The following CCDC82 variants were observed in gnomAD, a reference collection of about 807,000 sequenced individuals.
CCDC82 encodes coiled-coil domain containing 82.
A neutral mutation model predicts 60.6 loss-of-function variants in CCDC82; 47 were observed. The ratio of observed to expected loss-of-function variants is 0.77; its 90% CI spans 0.61 to 0.99. CCDC82 has a LOEUF of 0.99. CCDC82 is among the 50% of genes least tolerant of loss of function. CCDC82 has a pLI of 0.00. For synonymous variants in CCDC82, 212 were observed against 207.4 expected (o/e 1.02, Z -0.19); for missense variants, 588 against 633.0 (o/e 0.93, Z 0.76).
rs1401510304 is a variant in CCDC82, at chr11:96,371,090, G to A, written c.1132C>T (p.His378Tyr). 1.2e-6 allele frequency: 2 copies of A among 1,606,044 alleles called. No individual in the cohort carries two copies. Among genetic ancestry groups the A allele is most frequent in the Non-Finnish European group, 1.7e-6 (2 of 1,176,116 alleles). The change falls in exon 7 of 10, where the codon CAT becomes TAT. Residue 378 changes from histidine to tyrosine, a missense_variant. Coordinates refer to ENST00000646818, the MANE Select transcript of CCDC82 (RefSeq NM_024725.4). ...TGAACAAAGCGGTTATCCAAATAATGAAGAGATGTTAGCATATCTTTTGCA... is the reference window on the plus strand; with the variant it reads ...TGAACAAAGCGGTTATCCAAATAATAAAGAGATGTTAGCATATCTTTTGCA... ...SYAKDMLTSL[H>Y]YLDNRFVQPR...
At chr11:96,380,261 C>G (rs1865798959) in intron 5 of CCDC82, among the ~76,000 whole-genome samples, 1 of 151,436 alleles carries the variant, frequency 6.6e-6, no homozygotes, top group African/African-American at 2.4e-5. Context: ...CATGCCAACT[C>G]AAAGGAGGAA....
chr11:96,383,692 T>C (rs1488230212), intron 4 of CCDC82, among the ~76,000 whole-genome samples: 2 of 151,918 alleles, frequency 1.3e-5, no homozygotes, highest in African/African-American at 2.4e-5. Flanking sequence ...ATGTTTAAAA[T>C]GGACATTAGA....
chr11:96,385,617 C>G (rs986979975), intron 3 of CCDC82: 2 of 151,868 alleles, frequency 1.3e-5, no homozygotes, highest in African/African-American at 4.8e-5. Flanking sequence ...CACAATATAA[C>G]CAATAGAAAA....
intron 5 of CCDC82, among the ~76,000 whole-genome samples, chr11:96,375,972 T>A (rs1865549460): frequency 6.6e-6 from 1 of 152,230 alleles, no homozygotes; most frequent in Non-Finnish European, 1.5e-5. Context: ...TTGAATGAGC[T>A]TCTGTGGAAT....
chr11:96,382,536 G>T (rs951638550), intron 5 of CCDC82: 14 of 151,654 alleles, frequency 9.2e-5, no homozygotes, highest in African/African-American at 3.4e-4. Context: ...AATGACTGAT[G>T]CATTTTATCA....
chr11:96,383,999 C>T lies in CCDC82; in HGVS notation c.749G>A (p.Arg250Lys), dbSNP rs1565323073. ...LQKLKELSKQ[R>K]SRQRRSSGRD... is the part of the protein sequence containing the mutation. ...ACCACTACTGCGTCTCTGACGAGAT[C>T]TTTGTTTTGAGAGTTCTTTGAGCTT... Residue 250 changes from arginine (R) to lysine (K), a missense_variant, in exon 4 of 10, where the codon AGA becomes AAA. By Grantham distance (26) the Arg-to-Lys change is conservative. Transcript: ENST00000646818. The T allele has an allele frequency of 1.9e-6, 3 of 1,613,222 alleles. No homozygotes were observed. The South Asian group carries it at 3.3e-5, about 18-fold the overall frequency.
rs1866187448 is a variant in CCDC82, at chr11:96,386,304, T to A, written c.-54-11A>T. ...AGGATTACTTTTTTCCTATAGATTG[T>A]GGAAGAGAGGATACAGCTCATTTAA... On this transcript the variant is annotated splice_polypyrimidine_tract_variant and intron_variant, in intron 2 of 9. Transcript: ENST00000646818. 1 of 152,428 alleles carries A rather than the reference T, an allele frequency of 6.6e-6. No individual in the cohort carries two copies. Among genetic ancestry groups the A allele is most frequent in the Non-Finnish European group, 1.5e-5 (1 of 68,046 alleles). The allele number at this position is 152,428 out of a possible 1,614,324, so 9.4% of individuals were successfully genotyped here.
rs1866049841 is a variant in CCDC82 at position 96,384,206 on chromosome 11, T to C, written c.542A>G (p.Lys181Arg). The C allele has an allele frequency of 1.9e-6, 3 of 1,613,882 alleles. No individual in the cohort carries two copies. Among genetic ancestry groups the C allele is most frequent in the Non-Finnish European group, 2.5e-6 (3 of 1,179,874 alleles). The change falls in exon 4 of 10, where the codon AAA becomes AGA. Residue 181 changes from lysine to arginine, a missense_variant. Coordinates refer to ENST00000646818, the MANE Select transcript of CCDC82 (RefSeq NM_024725.4). ...DLEEEDIKRGKRKRLSSVMCD... is the reference protein window; with the variant it reads ...DLEEEDIKRGRRKRLSSVMCD... ...CATCACAGAGGATAGCCTTTTTCTT[T>C]TTCCTCGCTTGATGTCTTCTTCTTC...
chr11:96,357,453 C>G (rs1048541656), intron 9 of CCDC82: 1 of 985,062 alleles, frequency 1.0e-6, no homozygotes, highest in Non-Finnish European at 1.2e-6. Context: ...AAGCTCCTTT[C>G]TTTTCCTAAG....
chr11:96,389,738 C>T (rs973105166), intron 1 of CCDC82, 106 bp downstream of exon 1: 6 of 152,488 alleles, frequency 3.9e-5, no homozygotes, highest in African/African-American at 1.4e-4. Flanking sequence ...TTCTCTTAGT[C>T]CGCGAGGAGG....
intron 5 of CCDC82, among the ~76,000 whole-genome samples, chr11:96,375,784 A>G (rs556255364): frequency 6.6e-6 from 1 of 152,358 alleles, no homozygotes; most frequent in South Asian, 2.1e-4. Context: ...TCACAACACA[A>G]AATTTAGACT....
intron 7 of CCDC82, among the ~76,000 whole-genome samples, chr11:96,369,045 T>C (rs1865114471): frequency 6.6e-6 from 1 of 152,212 alleles, no homozygotes; most frequent in Non-Finnish European, 1.5e-5. Context: ...CTTCTTTCTT[T>C]AAACCTCATA....
chr11:96,356,873 G>C, intron 9 of CCDC82: 1 of 985,294 alleles, frequency 1.0e-6, no homozygotes. Flanking sequence ...TGAAGAAGCA[G>C]GTAAGGGAAA....
chr11:96,384,240 CCT>C lies in CCDC82; in HGVS notation c.506_507del (p.Glu169GlyfsTer2). 1 of 1,613,796 alleles carries C rather than the reference CCT, an allele frequency of 6.2e-7. No homozygotes were observed. Among genetic ancestry groups the C allele is most frequent in the Non-Finnish European group, 8.5e-7 (1 of 1,179,854 alleles). ...TTGATGTCTTCTTCTTCTAAATCAT[CCT>C]CTATTATTTGTCCAGTTTGTTTGTT... ...DLNKQTGQII[E>X]DDLEEEDIKR... On this transcript the variant is annotated frameshift_variant, in exon 4 of 10. Transcript: ENST00000646818. LOFTEE classifies it high-confidence loss of function.
chr11:96,375,144 C>T (rs904491495), intron 5 of CCDC82, among the ~76,000 whole-genome samples: 1 of 152,136 alleles, frequency 6.6e-6, no homozygotes, highest in African/African-American at 2.4e-5. Context: ...GGACTATTAA[C>T]AGATGTGTTG....
chr11:96,383,069 C>T (rs1448604548), intron 5 of CCDC82, 200 bp downstream of exon 5: 7 of 525,112 alleles, frequency 1.3e-5, no homozygotes, highest in African/African-American at 3.9e-5. Context: ...GAAGTAAAGG[C>T]GTGTTGGGGT....
chr11:96,383,742 A>C (rs1866008049), intron 4 of CCDC82, among the ~76,000 whole-genome samples: 1 of 152,036 alleles, frequency 6.6e-6, no homozygotes, highest in African/African-American at 2.4e-5. Flanking sequence ...ATATAAAATA[A>C]CAAATAGTCT....
At chr11:96,370,530 G>A (rs1475114859) in intron 7 of CCDC82, among the ~76,000 whole-genome samples, 1 of 152,188 alleles carries the variant, frequency 6.6e-6, no homozygotes, top group Non-Finnish European at 1.5e-5. Flanking sequence ...AATCAAGCAG[G>A]TAACAGGTGT....
chr11:96,383,872 A>G (rs1398195546), intron 4 of CCDC82, 90 bp downstream of exon 4: 28 of 1,138,460 alleles, frequency 2.5e-5, no homozygotes, highest in Admixed American at 5.2e-5. Context: ...TTATTGAGAA[A>G]TGGAACGGAC....
Sources: allele counts gnomAD v4.1 joint callset (sites outside exome capture counted in the v4.1 genomes callset), GRCh38; gene constraint gnomAD v4.1.1; transcripts MANE v1.5; gene names NCBI Gene and HGNC (gene_info 2026-07-23, HGNC 2026-07-21).